The following ARHGAP22 variants were observed in gnomAD, a reference collection of about 807,000 sequenced individuals.
ARHGAP22 encodes the protein Rho GTPase activating protein 22, also known as rho GTPase-activating protein 22.
A neutral mutation model predicts 59.1 loss-of-function variants in ARHGAP22; 48 were observed. The observed-to-expected ratio is 0.81, with a 90% CI of 0.64 to 1.03. ARHGAP22 has a LOEUF of 1.03. ARHGAP22 is among the 50% of genes least tolerant of loss of function. ARHGAP22 has a pLI of 0.00. For synonymous variants in ARHGAP22, 445 were observed against 416.4 expected (o/e 1.07, Z -0.84); for missense variants, 1,015 against 958.7 (o/e 1.06, Z -0.78).
At chr10:48,479,524 G>A (rs2049070686) in intron 4 of ARHGAP22, 112 bp downstream of exon 4, 16 of 1,577,532 alleles carry the variant, frequency 1.0e-5, no homozygotes, top group Non-Finnish European at 1.4e-5. Flanking sequence ...AGCACAGGAT[G>A]CAGCCAGCAA....
chr10:48,469,527 C>T (rs972403653), intron 4 of ARHGAP22, among the ~76,000 whole-genome samples: 3 of 152,206 alleles, frequency 2.0e-5, no homozygotes, highest in African/African-American at 7.2e-5. Flanking sequence ...CTGCCTCTTC[C>T]TTCAGTCTTA....
At chr10:48,605,155 G>T (rs1459382215), upstream of ARHGAP22, 9 of 1,159,254 alleles carry the variant, frequency 7.8e-6, no homozygotes, top group Non-Finnish European at 9.6e-6. Context: ...GGGCGGGGCC[G>T]AGAGGGGCGG....
intron 2 of ARHGAP22, among the ~76,000 whole-genome samples, chr10:48,555,827 C>T (rs1564874675): frequency 6.6e-6 from 1 of 152,162 alleles, no homozygotes; most frequent in African/African-American, 2.4e-5. Flanking sequence ...GAGGGAGGCT[C>T]CCACCACTGG....
downstream of ARHGAP22, among the ~76,000 whole-genome samples, chr10:48,442,118 G>A (rs772388359): frequency 2.6e-5 from 4 of 152,174 alleles, no homozygotes; most frequent in Admixed American, 6.5e-5. Context: ...TGCATGCAGC[G>A]CTGTGATATT....
intron 8 of ARHGAP22, among the ~76,000 whole-genome samples, chr10:48,452,829 G>T (rs1396391624): frequency 1.3e-5 from 2 of 152,156 alleles, no homozygotes; most frequent in Admixed American, 1.3e-4. Flanking sequence ...AAAGCACTTG[G>T]TAGAAGCTTA....
intron 2 of ARHGAP22, among the ~76,000 whole-genome samples, chr10:48,565,647 T>A (rs1680115625): frequency 6.6e-6 from 1 of 152,130 alleles, no homozygotes; most frequent in Non-Finnish European, 1.5e-5. Context: ...CACAGACAGG[T>A]GTGTTCCAGC....
In ARHGAP22 at chr10:48,446,136, G is replaced by T; in HGVS notation, c.*255C>A. On this transcript the variant is annotated 3_prime_UTR_variant, in exon 10 of 10. Transcript: ENST00000249601. ...TGTGGCCATGAAGGATATTTCCTGG[G>T]TAAGGGCTAAGCGCTACTCTTGGTA... 2 of 498,194 alleles carry T rather than the reference G, an allele frequency of 4.0e-6. No homozygotes were observed. The highest frequency in any genetic ancestry group is 3.6e-5 in the South Asian group (1 of 28,122). The allele number at this position is 498,194 out of a possible 1,614,324, so 30.9% of individuals were successfully genotyped here. A position where few individuals can be genotyped will look rare whatever the true frequency, so the allele number is the denominator to read the frequency against.
At chr10:48,596,463 G>A (rs533825469) in intron 1 of ARHGAP22, among the ~76,000 whole-genome samples, 1 of 152,172 alleles carries the variant, frequency 6.6e-6, no homozygotes, top group Non-Finnish European at 1.5e-5. Flanking sequence ...GCAGGGAGCC[G>A]GGGTGAGGTG....
chr10:48,643,138 G>A (rs957670115), intron 1 of ARHGAP22, among the ~76,000 whole-genome samples: 2 of 152,204 alleles, frequency 1.3e-5, no homozygotes, highest in African/African-American at 4.8e-5. Context: ...TACACTGTTG[G>A]TGGGACTGTA....
intron 3 of ARHGAP22, among the ~76,000 whole-genome samples, chr10:48,499,290 C>G (rs990792796): frequency 6.6e-6 from 1 of 152,242 alleles, no homozygotes; most frequent in Non-Finnish European, 1.5e-5. Flanking sequence ...AGCCACAGGC[C>G]GCCCACATAG....
chr10:48,532,822 C>G (rs1304182995), intron 3 of ARHGAP22: 1 of 152,074 alleles, frequency 6.6e-6, no homozygotes, highest in African/African-American at 2.4e-5. Context: ...TGAACTTATC[C>G]TTTTTTATGG....
intron 1 of ARHGAP22, among the ~76,000 whole-genome samples, chr10:48,600,457 C>A (rs1301610045): frequency 6.6e-6 from 1 of 151,526 alleles, no homozygotes; most frequent in African/African-American, 2.4e-5. Flanking sequence ...TGAGAGAACA[C>A]TTAAGATTTG....
rs2045814179 is a variant in ARHGAP22 at position 48,450,515 on chromosome 10, A to C, written c.1614T>G (p.Ser538=). The change falls in exon 9 of 10, where the codon TCT becomes TCG. Residue 538 remains serine (S), a synonymous_variant. Coordinates refer to ENST00000249601, the MANE Select transcript of ARHGAP22 (RefSeq NM_021226.4). Reference sequence around the variant, plus strand: ...AGTCGGTGTGCAGGGAACTGCGGGCAGACGAGTCGCTGGCGCGGCAGGCCG... The same window carrying C: ...AGTCGGTGTGCAGGGAACTGCGGGCCGACGAGTCGCTGGCGCGGCAGGCCG... ...SCTACRASDS[S]ARSSLHTDWA... 6.5e-7 allele frequency: 1 copy of C among 1,526,728 alleles called. No homozygotes were observed. The highest frequency in any genetic ancestry group is 8.8e-7 in the Non-Finnish European group (1 of 1,137,044). The allele number at this position is 1,526,728 out of a possible 1,614,324, so 94.6% of individuals were successfully genotyped here. A position where few individuals can be genotyped will look rare whatever the true frequency, so the allele number is the denominator to read the frequency against.
At chr10:48,622,837 C>T (rs1178258688) in intron 1 of ARHGAP22, among the ~76,000 whole-genome samples, 2 of 152,216 alleles carry the variant, frequency 1.3e-5, no homozygotes, top group Non-Finnish European at 2.9e-5. Context: ...GCTGCCTTTA[C>T]ACTGGTTATT....
intron 3 of ARHGAP22, among the ~76,000 whole-genome samples, chr10:48,550,116 C>T (rs1208245733): frequency 6.6e-6 from 1 of 152,232 alleles, no homozygotes; most frequent in African/African-American, 2.4e-5. Flanking sequence ...TGCCCAGCTG[C>T]TCTCCCTGAT....
At chr10:48,461,217 G>A (rs1426463266) in intron 4 of ARHGAP22, among the ~76,000 whole-genome samples, 1 of 152,222 alleles carries the variant, frequency 6.6e-6, no homozygotes, top group South Asian at 2.1e-4. Context: ...AAACCCCAGA[G>A]TGCACACTGC....
rs1233026357 is a variant in ARHGAP22 at position 48,450,711 on chromosome 10, C to T, written c.1418G>A (p.Arg473Gln). ...CTTGAGCCGGTCTCCCGACGAGGCC[C>T]GGCGGTGTCCGCGCAGGGAGGACAG... ...NGLSSLRGHRRASSGDRLKDS... is the reference protein window; with the variant it reads ...NGLSSLRGHRQASSGDRLKDS... The change falls in exon 9 of 10, where the codon CGG (arginine) becomes CAG (glutamine). Residue 473 changes from arginine (R) to glutamine (Q), a missense_variant. Transcript: ENST00000249601. 4.5e-6 allele frequency: 7 copies of T among 1,553,298 alleles called. No homozygotes were observed. In the East Asian group the frequency reaches 1.5e-4, roughly 32 times the overall value.
At chr10:48,502,031 TGA>T (rs2051578869) in intron 3 of ARHGAP22, among the ~76,000 whole-genome samples, 2 of 152,220 alleles carry the variant, frequency 1.3e-5, no homozygotes, top group Admixed American at 6.5e-5. Flanking sequence ...TTTTCATTGC[TGA>T]GAGAGTCAGG....
chr10:48,460,030 T>C (rs1207017293), intron 4 of ARHGAP22, 139 bp from the exon 5 acceptor site: 3 of 879,888 alleles, frequency 3.4e-6, no homozygotes, highest in South Asian at 1.7e-5. Flanking sequence ...GGAGGATGCA[T>C]ACCAGAAGGC....
Sources: allele counts gnomAD v4.1 joint callset (sites outside exome capture counted in the v4.1 genomes callset), GRCh38; gene constraint gnomAD v4.1.1; transcripts MANE v1.5; gene names NCBI Gene and HGNC (gene_info 2026-07-23, HGNC 2026-07-21).